Variants in CLVS1 observed in about 807,000 individuals in gnomAD.
CLVS1 encodes clavesin-1.
CLVS1 carries 10 observed loss-of-function variants against 33.1 expected under a neutral mutation model. That is an observed-to-expected ratio of 0.30 (90% CI 0.19 to 0.51). The LOEUF is 0.51. CLVS1 is among the 20% of genes least tolerant of loss of function. The pLI, the probability that CLVS1 is intolerant of heterozygous loss-of-function variation, is 0.97. For synonymous variants in CLVS1, 163 were observed against 166.1 expected, an observed-to-expected ratio of 0.98 and a Z score of 0.14; for missense variants, 343 against 433.4, an observed-to-expected ratio of 0.79 and a Z score of 1.85.
the CLVS1 span, among the ~76,000 whole-genome samples, chr8:60,994,656 T>TA: frequency 0.51 from 77,738 of 151,876 alleles, 20,233 homozygotes; most frequent in South Asian, 0.71. Flanking sequence ...CTGATGACAT[T>TA]AAAAAAATTT....
intron 2 of CLVS1, chr8:61,370,509 C>T (rs1563520834): frequency 6.6e-6 from 1 of 152,270 alleles, no homozygotes; most frequent in Non-Finnish European, 1.5e-5. Flanking sequence ...GCTGCCTTAG[C>T]CTCCTGAGTA....
rs544285060 is a variant in CLVS1 at position 61,124,909 on chromosome 8, A to G, written c.-242-6861A>G. Among the ~76,000 whole-genome samples the G allele has an allele frequency of 2.0e-5, 3 of 152,260 alleles. No individual in the cohort carries two copies. In the South Asian group the frequency reaches 6.2e-4, roughly 32 times the overall value. On this transcript the variant is annotated intron_variant, in intron 1 of 2. Transcript: ENST00000522621. ...GGTGTGATCAGGTCTACTTTGGGGT[A>G]AGAGGAGTGGGAAACATCAGCACAG...
At chr8:61,484,824 A>C (rs570199100) in intron 5 of CLVS1, among the ~76,000 whole-genome samples, 2 of 152,366 alleles carry the variant, frequency 1.3e-5, no homozygotes, top group Non-Finnish European at 2.9e-5. Context: ...GACAAACCTG[A>C]CAAAAACAAG....
At chr8:61,160,974 C>G (rs773324586) in intron 2 of CLVS1, among the ~76,000 whole-genome samples, 19 of 151,934 alleles carry the variant, frequency 1.3e-4, no homozygotes, top group Non-Finnish European at 2.8e-4. Flanking sequence ...CCCAAATAAC[C>G]CAATAGTAAG....
intron 2 of CLVS1, among the ~76,000 whole-genome samples, chr8:61,175,175 A>G (rs1807090642): frequency 6.6e-6 from 1 of 152,208 alleles, no homozygotes; most frequent in African/African-American, 2.4e-5. Context: ...AGCCCCCAAA[A>G]TTCATATGTT....
chr8:61,474,582 C>G (rs1817845727), intron 5 of CLVS1, among the ~76,000 whole-genome samples: 1 of 152,080 alleles, frequency 6.6e-6, no homozygotes, highest in Non-Finnish European at 1.5e-5. Context: ...TAGCAAAGAT[C>G]CAGTAAAGAG....
chr8:61,478,520 A>G (rs1021474806), intron 5 of CLVS1, among the ~76,000 whole-genome samples: 11 of 152,198 alleles, frequency 7.2e-5, no homozygotes, highest in Non-Finnish European at 1.6e-4. Context: ...GTACATATAT[A>G]TTTAGGATAG....
rs112709786 is a variant in CLVS1 at position 61,250,329 on chromosome 8, T to G, written c.-151-49348T>G. Among the ~76,000 whole-genome samples, 38 of 152,352 alleles carry G rather than the reference T, an allele frequency of 2.5e-4. 2 individuals are homozygous for G. The highest frequency in any genetic ancestry group is 9.1e-4 in the African/African-American group (38 of 41,588). ...TGTTTTGGTTACTGTTGCCTTGTAG[T>G]ATAGTTTGAAGTCAGGTAGCATGAT... is the stretch of plus-strand genomic sequence containing the variant. On this transcript the variant is annotated intron_variant, in intron 2 of 2. Transcript: ENST00000522621.
chr8:61,285,249 C>T (rs1809753832), upstream of CLVS1, among the ~76,000 whole-genome samples: 1 of 152,278 alleles, frequency 6.6e-6, no homozygotes, highest in East Asian at 1.9e-4. Context: ...TTTGCAACTG[C>T]CTTACTTGGG....
At chr8:61,181,708 T>TTTG (rs1220353107) in intron 2 of CLVS1, among the ~76,000 whole-genome samples, 2,767 of 142,864 alleles carry the variant, frequency 0.019, 109 homozygotes, top group African/African-American at 0.067. Flanking sequence ...TTTTTTTTTT[T>TTTG]TTTTTTTTTG....
intron 3 of CLVS1, among the ~76,000 whole-genome samples, chr8:61,403,548 T>C (rs941956458): frequency 2.6e-5 from 4 of 152,020 alleles, no homozygotes; most frequent in African/African-American, 9.7e-5. Context: ...GACAACAAAT[T>C]CCGGATATAT....
intron 2 of CLVS1, among the ~76,000 whole-genome samples, chr8:61,144,404 G>A (rs1806375441): frequency 6.6e-6 from 1 of 152,108 alleles, no homozygotes; most frequent in Non-Finnish European, 1.5e-5. Flanking sequence ...TGGCTGTATA[G>A]TATTCCATGG....
chr8:61,462,324 CA>C (rs1817395505), intron 5 of CLVS1, among the ~76,000 whole-genome samples: 1 of 152,160 alleles, frequency 6.6e-6, no homozygotes, highest in African/African-American at 2.4e-5. Flanking sequence ...ATCCATCAGA[CA>C]AATCACTATC....
chr8:61,331,311 T>C (rs960339750), intron 2 of CLVS1, among the ~76,000 whole-genome samples: 1 of 152,146 alleles, frequency 6.6e-6, no homozygotes, highest in African/African-American at 2.4e-5. Flanking sequence ...TGTTCTGTAA[T>C]TCATATTGCT....
At chr8:61,399,199 C>A (rs926427943) in intron 3 of CLVS1, among the ~76,000 whole-genome samples, 44 of 152,326 alleles carry the variant, frequency 2.9e-4, no homozygotes, top group African/African-American at 8.9e-4. Context: ...TTCTCCACAA[C>A]CTCGCCAGCT....
chr8:61,322,439 T>A (rs1452614961), intron 2 of CLVS1, among the ~76,000 whole-genome samples: 1 of 152,144 alleles, frequency 6.6e-6, no homozygotes, highest in Non-Finnish European at 1.5e-5. Context: ...GATGGAATGA[T>A]AAGTAACTGG....
chr8:61,245,534 T>C (rs990458805), intron 2 of CLVS1, among the ~76,000 whole-genome samples: 3 of 152,010 alleles, frequency 2.0e-5, no homozygotes, highest in African/African-American at 7.2e-5. Context: ...TAACATTAAA[T>C]CTGACATCTT....
At chr8:61,108,868 CATGTTT>C (rs1805582408) in intron 1 of CLVS1, among the ~76,000 whole-genome samples, 1 of 152,230 alleles carries the variant, frequency 6.6e-6, no homozygotes, top group African/African-American at 2.4e-5. Context: ...GTTCAGCCCT[CATGTTT>C]AAGATTGTGC....
chr8:60,976,730 G>A, the CLVS1 span, among the ~76,000 whole-genome samples: 3 of 152,274 alleles, frequency 2.0e-5, no homozygotes, highest in African/African-American at 7.2e-5. Context: ...AATTTCAGCT[G>A]TTTGTCTAGC....
Sources: gnomAD v4.1 joint callset for allele counts (sites outside exome capture counted in the v4.1 genomes callset) on GRCh38, gnomAD v4.1.1 for gene constraint, MANE v1.5 for transcripts, NCBI Gene and HGNC (gene_info 2026-07-23, HGNC 2026-07-21) for gene names.